SLC9A9: variants seen among roughly 807,000 people sequenced by gnomAD.
SLC9A9 encodes the protein solute carrier family 9 member A9.
Under a neutral mutation model 77.8 loss-of-function variants are expected in SLC9A9, and 62 were observed. That is an observed-to-expected ratio of 0.80 (90% confidence interval 0.65 to 0.98). The LOEUF (loss-of-function observed/expected upper bound fraction) is 0.98. Among genes scored for constraint, SLC9A9 ranks in the 50% least tolerant of loss-of-function variants. The pLI, the probability that SLC9A9 is intolerant of heterozygous loss-of-function variation, is 0.00. For synonymous variants in SLC9A9, 320 were observed against 283.5 expected (o/e 1.13, Z -1.29); for missense variants, 775 against 774.9 (o/e 1.00, Z 0.00).
At chr3:143,594,535 T>C (rs1426042687) in intron 6 of SLC9A9, among the ~76,000 whole-genome samples, 1 of 152,130 alleles carries the variant, frequency 6.6e-6, no homozygotes, top group Admixed American at 6.5e-5. Flanking sequence ...GACATTAGAA[T>C]CCTGGTTGAT....
Position 143,524,571 on chromosome 3 carries a change from G to A in SLC9A9, c.1089+27791C>T, listed in dbSNP as rs138160426. Among the ~76,000 whole-genome samples, 326 of 152,186 alleles carry A rather than the reference G, an allele frequency of 2.1e-3. 2 individuals are homozygous for A. The highest frequency in any genetic ancestry group is 7.6e-3 in the African/African-American group (314 of 41,522). ...CTTATGCATATTTTTTTGAAATAAG[G>A]CCCTATAATTTAATCTACACTAAAT... On this transcript the variant is annotated intron_variant, in intron 9 of 15. Coordinates refer to ENST00000316549, the MANE Select transcript of SLC9A9 (RefSeq NM_173653.4).
chr3:143,542,487 G>A (rs948553508), intron 9 of SLC9A9, among the ~76,000 whole-genome samples: 11 of 152,192 alleles, frequency 7.2e-5, no homozygotes, highest in Admixed American at 7.2e-4. Context: ...GGGATGGAAA[G>A]TGACTGCTTT....
intron 14 of SLC9A9, among the ~76,000 whole-genome samples, chr3:143,271,204 G>A (rs893585851): frequency 6.6e-6 from 1 of 152,132 alleles, no homozygotes; most frequent in Admixed American, 6.6e-5. Context: ...CAGATAAGGG[G>A]GTACAACTAT....
At position 143,578,485 on chromosome 3, in the gene SLC9A9, T is replaced by C. The variant is rs1043326393; in HGVS notation, c.894+100A>G. ...CGTATGAAACTTGGACCAGACTATC[T>C]AGCCTTTTATGGGCCTGGAGGTTGT... is the stretch of plus-strand genomic sequence containing the variant. On this transcript the variant is annotated intron_variant, in intron 7 of 15. Transcript: ENST00000316549. 8.8e-5 allele frequency: 138 copies of C among 1,572,590 alleles called. 2 individuals carry two copies. In the Admixed American group the frequency reaches 1.8e-3, roughly 20 times the overall value.
chr3:143,498,553 C>T (rs2035877631), intron 9 of SLC9A9, among the ~76,000 whole-genome samples: 1 of 144,042 alleles, frequency 6.9e-6, no homozygotes, highest in Admixed American at 7.0e-5. Flanking sequence ...GACTCTGTCT[C>T]AAAAAAATAA....
At chr3:143,831,689 A>G (rs189107477) in intron 2 of SLC9A9, among the ~76,000 whole-genome samples, 58 of 152,352 alleles carry the variant, frequency 3.8e-4, no homozygotes, top group African/African-American at 1.3e-3. Context: ...TGCTGAAAGC[A>G]CATGTGTGAA....
intron 12 of SLC9A9, among the ~76,000 whole-genome samples, chr3:143,450,942 G>T (rs1465953503): frequency 6.6e-6 from 1 of 152,162 alleles, no homozygotes; most frequent in African/African-American, 2.4e-5. Flanking sequence ...TCATGTGTGG[G>T]TGCTATGCCG....
chr3:143,268,732 C>CAAAAAAAAAAAAAAAAAAAAAAAAAAAA lies in SLC9A9; in HGVS notation c.1710+142_1710+143insTTTTTTTTTTTTTTTTTTTTTTTTTTTT. 1.1e-5 allele frequency: 2 copies of CAAAAAAAAAAAAAAAAAAAAAAAAAAAA among 187,442 alleles called. 1 individual carries two copies. The highest frequency in any genetic ancestry group is 1.9e-5 in the Non-Finnish European group (2 of 104,558). The allele number at this position is 187,442 out of a possible 1,614,324, so 11.6% of individuals were successfully genotyped here. On this transcript the variant is annotated intron_variant, in intron 15 of 15. Coordinates refer to ENST00000316549, the MANE Select transcript of SLC9A9 (RefSeq NM_173653.4). ...TGGGCAACAGAGCAAGACTCCGTCT[C>CAAAAAAAAAAAAAAAAAAAAAAAAAAAA]AAAAAAAAAAAAAAAAAAAAAAAAA...
At chr3:143,545,095 G>A (rs556176508) in intron 9 of SLC9A9, among the ~76,000 whole-genome samples, 1 of 152,196 alleles carries the variant, frequency 6.6e-6, no homozygotes, top group Admixed American at 6.5e-5. Flanking sequence ...TTTCAATTTG[G>A]GTAACTTCAT....
chr3:143,585,951 C>T (rs970789945), intron 6 of SLC9A9, among the ~76,000 whole-genome samples: 4 of 152,364 alleles, frequency 2.6e-5, no homozygotes, highest in East Asian at 3.9e-4. Context: ...GGGATGAGCT[C>T]GCAGCCTCTG....
chr3:143,339,365 A>G (rs2032022799), intron 14 of SLC9A9, among the ~76,000 whole-genome samples: 1 of 152,126 alleles, frequency 6.6e-6, no homozygotes, highest in African/African-American at 2.4e-5. Flanking sequence ...ACAGCTGCAT[A>G]TGAGGTGAGT....
chr3:143,433,379 T>C (rs896047130), intron 12 of SLC9A9, among the ~76,000 whole-genome samples: 7 of 152,236 alleles, frequency 4.6e-5, no homozygotes, highest in Admixed American at 3.9e-4. Context: ...TTGACTCTGC[T>C]TATCTCTTCA....
chr3:143,367,377 T>C (rs2032935621), intron 13 of SLC9A9, among the ~76,000 whole-genome samples: 1 of 152,216 alleles, frequency 6.6e-6, no homozygotes, highest in African/African-American at 2.4e-5. Flanking sequence ...ATACCACTGA[T>C]GACTCAGCAT....
chr3:143,623,096 G>A (rs1248021901), intron 6 of SLC9A9, among the ~76,000 whole-genome samples: 4 of 152,160 alleles, frequency 2.6e-5, no homozygotes, highest in Admixed American at 1.3e-4. Context: ...CAATATAGGA[G>A]CACCCAGATT....
intron 12 of SLC9A9, among the ~76,000 whole-genome samples, chr3:143,399,656 G>A (rs528364327): frequency 2.0e-5 from 3 of 152,210 alleles, no homozygotes; most frequent in South Asian, 2.1e-4. Context: ...TCAATTTGGC[G>A]GAAAATAACA....
At chr3:143,529,535 A>G (rs1008812061) in intron 9 of SLC9A9, among the ~76,000 whole-genome samples, 2 of 152,178 alleles carry the variant, frequency 1.3e-5, no homozygotes, top group Non-Finnish European at 2.9e-5. Flanking sequence ...ATGGTTTTAT[A>G]TACCAGGTGA....
At chr3:143,729,271 A>G (rs1934742468) in intron 4 of SLC9A9, among the ~76,000 whole-genome samples, 1 of 152,218 alleles carries the variant, frequency 6.6e-6, no homozygotes, top group Admixed American at 6.5e-5. Flanking sequence ...TCTGATAGAC[A>G]TGAGTTTGAA....
At chr3:143,505,055 C>G (rs1230732622) in intron 9 of SLC9A9, among the ~76,000 whole-genome samples, 2 of 152,220 alleles carry the variant, frequency 1.3e-5, no homozygotes, top group Non-Finnish European at 2.9e-5. Flanking sequence ...ATATCAGTGA[C>G]TCTGACCATA....
intron 4 of SLC9A9, among the ~76,000 whole-genome samples, chr3:143,720,899 T>G (rs1934480659): frequency 6.6e-6 from 1 of 151,904 alleles, no homozygotes; most frequent in Non-Finnish European, 1.5e-5. Flanking sequence ...AGTTCAATTC[T>G]TAAGTATTTT....
Sources: gnomAD v4.1 joint callset for allele counts (sites outside exome capture counted in the v4.1 genomes callset) on GRCh38, gnomAD v4.1.1 for gene constraint, MANE v1.5 for transcripts, NCBI Gene and HGNC (gene_info 2026-07-23, HGNC 2026-07-21) for gene names.